Variants in FRMD6 observed in about 807,000 individuals in gnomAD.
FRMD6 encodes the protein FERM domain containing 6.
FRMD6 carries 37 observed loss-of-function variants against 73.2 expected under a neutral mutation model. The ratio of observed to expected loss-of-function variants is 0.51; its 90% CI spans 0.39 to 0.66. The LOEUF is 0.66. Ranked by LOEUF, FRMD6 falls within the 30% of genes least tolerant of loss-of-function variation. FRMD6 has a pLI of 0.00. For synonymous variants in FRMD6, 273 were observed against 282.2 expected (o/e 0.97, Z 0.33); for missense variants, 714 against 780.5 (o/e 0.91, Z 1.02).
At chr14:51,540,552 C>G (rs1156770112) in intron 1 of FRMD6, among the ~76,000 whole-genome samples, 1 of 152,074 alleles carries the variant, frequency 6.6e-6, no homozygotes, top group Non-Finnish European at 1.5e-5. Flanking sequence ...GAAAATTGGA[C>G]AGAATGTCTT....
chr14:51,680,473 A>G (rs1352098113), intron 1 of FRMD6, among the ~76,000 whole-genome samples: 1 of 152,210 alleles, frequency 6.6e-6, no homozygotes, highest in Admixed American at 6.5e-5. Flanking sequence ...GAAAGAGTAT[A>G]AACTGTCTAA....
chr14:51,499,818 T>C (rs1033052618), intron 1 of FRMD6, among the ~76,000 whole-genome samples: 12 of 152,250 alleles, frequency 7.9e-5, no homozygotes, highest in Non-Finnish European at 1.5e-4. Context: ...GTTTCCCAAT[T>C]CGGCACATGG....
At chr14:51,567,174 C>T (rs1887822574) in intron 1 of FRMD6, among the ~76,000 whole-genome samples, 1 of 152,138 alleles carries the variant, frequency 6.6e-6, no homozygotes, top group Non-Finnish European at 1.5e-5. Context: ...TTGACAGACT[C>T]GTCATTTTTT....
At chr14:51,689,639 T>G (rs1895404270) in intron 1 of FRMD6, 52 bp from the exon 2 acceptor site, 3 of 586,206 alleles carry the variant, frequency 5.1e-6, no homozygotes, top group Non-Finnish European at 9.2e-6. Flanking sequence ...GACGCGCTCT[T>G]CGCAGTCTTC....
At chr14:51,431,930 G>A in the FRMD6 span, among the ~76,000 whole-genome samples, 1 of 152,146 alleles carries the variant, frequency 6.6e-6, no homozygotes, top group African/African-American at 2.4e-5. Context: ...GGGTACCATT[G>A]AGCTGTGTGA....
chr14:51,443,145 T>C, the FRMD6 span, among the ~76,000 whole-genome samples: 1 of 152,224 alleles, frequency 6.6e-6, no homozygotes, highest in African/African-American at 2.4e-5. Context: ...CATAGTTCAA[T>C]GAAATAAAAC....
At chr14:51,585,960 T>TATATATATATATATATATATAAAA (rs369811499) in intron 2 of FRMD6, among the ~76,000 whole-genome samples, 1 of 91,326 alleles carries the variant, frequency 1.1e-5, no homozygotes, top group Non-Finnish European at 2.3e-5. Context: ...TATATATATA[T>TATATATATATATATATATATAAAA]AACATTTTCT....
At chr14:51,408,507 G>A in the FRMD6 span, among the ~76,000 whole-genome samples, 1 of 151,940 alleles carries the variant, frequency 6.6e-6, no homozygotes, top group African/African-American at 2.4e-5. Context: ...AATTTCTTCT[G>A]ATCTCTCTTC....
intron 1 of FRMD6, chr14:51,570,241 G>A (rs1026295580): frequency 6.6e-6 from 1 of 152,168 alleles, no homozygotes; most frequent in Non-Finnish European, 1.5e-5. Context: ...TAAAATTGAT[G>A]TATCTTTGGA....
chr14:51,453,353 C>G, the FRMD6 span, among the ~76,000 whole-genome samples: 1 of 152,018 alleles, frequency 6.6e-6, no homozygotes, highest in South Asian at 2.1e-4. Context: ...GGGGAAGGAG[C>G]AAGAACAGCC....
chr14:51,427,356 A>G, the FRMD6 span, among the ~76,000 whole-genome samples: 1 of 152,250 alleles, frequency 6.6e-6, no homozygotes, highest in South Asian at 2.1e-4. Context: ...ATCACCGTGC[A>G]TATGGGTCCA....
At chr14:51,691,523 T>G (rs1461120622) in intron 2 of FRMD6, among the ~76,000 whole-genome samples, 1 of 152,010 alleles carries the variant, frequency 6.6e-6, no homozygotes, top group African/African-American at 2.4e-5. Context: ...AAAAATTGCC[T>G]TAGTGCATGA....
chr14:51,519,061 A>C (rs1160007825), intron 1 of FRMD6, among the ~76,000 whole-genome samples: 7 of 152,212 alleles, frequency 4.6e-5, no homozygotes, highest in Non-Finnish European at 1.0e-4. Flanking sequence ...CACTAACAAT[A>C]AACTAAATGA....
In FRMD6 at chr14:51,628,792, C is replaced by G. The variant is rs1431238277; in HGVS notation, c.-147+58382C>G. 5.2e-5 allele frequency among the ~76,000 whole-genome samples: 4 copies of G among 77,336 alleles called. No individual in the cohort carries two copies. The East Asian group carries it at 1.1e-3, about 20-fold the overall frequency. 50.7% of individuals were successfully genotyped at this position (77,336 alleles called of 152,430 possible). On this transcript the variant is annotated intron_variant, in intron 2 of 14. Coordinates refer to the FRMD6 transcript ENST00000356218. ...CTCCAGCCTGGGTGACAGAGCAAGA[C>G]TCTGTCTCAAAAAAAAAAAAAAAAA...
At chr14:51,540,589 C>T (rs77455747) in intron 1 of FRMD6, among the ~76,000 whole-genome samples, 3,372 of 152,172 alleles carry the variant, frequency 0.022, 72 homozygotes, top group Admixed American at 0.067. Flanking sequence ...GGCAAACTTG[C>T]TTTGCAAAGT....
At chr14:51,569,465 A>C (rs1202241221) in intron 1 of FRMD6, among the ~76,000 whole-genome samples, 1 of 151,340 alleles carries the variant, frequency 6.6e-6, no homozygotes, top group Admixed American at 6.6e-5. Flanking sequence ...CATTATTGTC[A>C]CTTTCTATTT....
chr14:51,533,163 A>AGAG, intron 1 of FRMD6, among the ~76,000 whole-genome samples: 1 of 152,336 alleles, frequency 6.6e-6, no homozygotes, highest in Middle Eastern at 3.4e-3. Context: ...AGGACCATTC[A>AGAG]GAGGAATTAC....
intron 2 of FRMD6, among the ~76,000 whole-genome samples, chr14:51,607,384 G>C (rs543267877): frequency 1.1e-4 from 16 of 152,232 alleles, no homozygotes; most frequent in African/African-American, 3.9e-4. Flanking sequence ...AAAACTGAGG[G>C]GGCAAACGGG....
intron 2 of FRMD6, among the ~76,000 whole-genome samples, chr14:51,627,923 G>C (rs571245483): frequency 5.3e-5 from 8 of 152,130 alleles, no homozygotes; most frequent in African/African-American, 1.9e-4. Flanking sequence ...ATATAAAATG[G>C]TATAGCATTT....
Sources: allele counts gnomAD v4.1 joint callset (sites outside exome capture counted in the v4.1 genomes callset), GRCh38; gene constraint gnomAD v4.1.1; transcripts MANE v1.5; gene names NCBI Gene and HGNC (gene_info 2026-07-23, HGNC 2026-07-21).